PCDHA1: variants seen among roughly 807,000 people sequenced by gnomAD.
PCDHA1 encodes protocadherin alpha-1.
Under a neutral mutation model 61.3 loss-of-function variants are expected in PCDHA1, and 42 were observed. The observed-to-expected ratio is 0.69, with a 90% CI of 0.54 to 0.89. The LOEUF is 0.89. PCDHA1 is among the 40% of genes least tolerant of loss of function. PCDHA1 has a pLI of 0.00. For synonymous variants in PCDHA1, 610 were observed against 553.8 expected (o/e 1.10, Z -1.43); for missense variants, 1,256 against 1,235.3 (o/e 1.02, Z -0.25).
intron 1 of PCDHA1, among the ~76,000 whole-genome samples, chr5:140,945,397 A>G (rs2093784345): frequency 6.6e-6 from 1 of 152,132 alleles, no homozygotes; most frequent in Admixed American, 6.5e-5. Context: ...TACAAATTCA[A>G]TACAATTCGT....
intron 1 of PCDHA1, among the ~76,000 whole-genome samples, chr5:140,949,698 T>G (rs188313112): frequency 6.6e-6 from 1 of 151,984 alleles, no homozygotes; most frequent in African/African-American, 2.4e-5. Flanking sequence ...TTGTTGGATC[T>G]TGCTGTTTTA....
At chr5:140,792,512 G>A (rs528086753) in intron 1 of PCDHA1, among the ~76,000 whole-genome samples, 7 of 152,236 alleles carry the variant, frequency 4.6e-5, no homozygotes, top group African/African-American at 9.6e-5. Flanking sequence ...TCTTTTCCCC[G>A]TTGTGGGGGA....
rs2153691387 is a variant in PCDHA1, at chr5:140,951,014, G to C, written c.2395-27935G>C. Among the ~76,000 whole-genome samples the C allele has an allele frequency of 1.3e-5, 2 of 151,872 alleles. 1 individual carries two copies. Among genetic ancestry groups the C allele is most frequent in the Middle Eastern group, 6.8e-3 (2 of 294 alleles). On this transcript the variant is annotated intron_variant, in intron 1 of 3. Coordinates refer to ENST00000504120, the MANE Select transcript of PCDHA1 (RefSeq NM_018900.4). The stretch of plus-strand genomic sequence containing the variant: ...TTAGCTCCATTTTTCCCAAGATCAG[G>C]CAGTGAGTTTTAATTTCAAATATTA...
At chr5:140,857,283 T>C in intron 1 of PCDHA1, 1 of 1,598,740 alleles carries the variant, frequency 6.3e-7, no homozygotes, top group Non-Finnish European at 8.6e-7. Context: ...GACAGCGCTC[T>C]GGACCGCGAG....
At chr5:140,879,303 G>A (rs2057936117) in intron 1 of PCDHA1, among the ~76,000 whole-genome samples, 1 of 152,184 alleles carries the variant, frequency 6.6e-6, no homozygotes. Flanking sequence ...AAAAACAAAA[G>A]TAGAAGTTGA....
intron 1 of PCDHA1, among the ~76,000 whole-genome samples, chr5:140,887,546 T>C (rs1554183101): frequency 1.3e-5 from 2 of 152,114 alleles, no homozygotes; most frequent in Non-Finnish European, 2.9e-5. Flanking sequence ...CCACCCCTCA[T>C]GGTTACTGTT....
chr5:140,834,156 TA>T, intron 1 of PCDHA1: 1 of 537,442 alleles, frequency 1.9e-6, no homozygotes, highest in East Asian at 3.0e-5. Flanking sequence ...TAATGGTTTG[TA>T]ATTCTTACTT....
At chr5:140,805,245 C>A in intron 1 of PCDHA1, 2 of 1,315,870 alleles carry the variant, frequency 1.5e-6, no homozygotes, top group African/African-American at 3.0e-5. Context: ...CCCATCTGTA[C>A]ATTAAAATAC....
chr5:140,952,658 C>T (rs2094779074), intron 1 of PCDHA1, among the ~76,000 whole-genome samples: 1 of 152,196 alleles, frequency 6.6e-6, no homozygotes. Flanking sequence ...TACCCAGTTC[C>T]AAAGTCACTT....
intron 1 of PCDHA1, chr5:140,857,310 A>G (rs781828328): frequency 6.3e-7 from 1 of 1,598,492 alleles, no homozygotes; most frequent in Non-Finnish European, 8.6e-7. Context: ...TCGGCCTATG[A>G]GCTGGTGGTG....
In PCDHA1 at chr5:140,795,841, T is replaced by C. The variant is rs201828641; in HGVS notation, c.2394+7157T>C. ...TGTGTCCTCCACTATACAGACTAAG[T>C]TTACCATAGATCCCATCTCAGGGGA... On this transcript the variant is annotated intron_variant, in intron 1 of 3. Coordinates refer to ENST00000504120, the MANE Select transcript of PCDHA1 (RefSeq NM_018900.4). The C allele has an allele frequency of 5.1e-5, 83 of 1,613,740 alleles. 1 individual carries two copies. Among genetic ancestry groups the C allele is most frequent in the Non-Finnish European group, 3.1e-5 (36 of 1,179,978 alleles).
chr5:140,797,160 CG>C, intron 1 of PCDHA1: 2 of 1,613,978 alleles, frequency 1.2e-6, no homozygotes, highest in Non-Finnish European at 1.7e-6. Context: ...AGGGTGCGCG[CG>C]CGCCAGGAAA....
chr5:140,809,267 G>A (rs1764412049), intron 1 of PCDHA1: 2 of 1,613,996 alleles, frequency 1.2e-6, no homozygotes, highest in Non-Finnish European at 8.5e-7. Flanking sequence ...TGCTGCGCTG[G>A]TGGATGTCAA....
intron 1 of PCDHA1, chr5:140,796,892 C>T (rs782684742): frequency 1.8e-5 from 29 of 1,613,982 alleles, no homozygotes; most frequent in Non-Finnish European, 2.5e-5. Context: ...GCTGACTCCC[C>T]TCGACACCGC....
intron 1 of PCDHA1, among the ~76,000 whole-genome samples, chr5:140,974,883 C>T (rs1188748856): frequency 1.3e-5 from 2 of 152,154 alleles, no homozygotes; most frequent in Non-Finnish European, 2.9e-5. Context: ...CTATGTATCC[C>T]TTTTCTGATG....
intron 1 of PCDHA1, among the ~76,000 whole-genome samples, chr5:140,837,527 T>C (rs925860882): frequency 1.3e-5 from 2 of 151,856 alleles, no homozygotes; most frequent in African/African-American, 2.4e-5. Flanking sequence ...TTTTTTTGTA[T>C]ATTCCCAAGA....
intron 1 of PCDHA1, among the ~76,000 whole-genome samples, chr5:140,819,759 C>T (rs1766617178): frequency 6.6e-6 from 1 of 152,080 alleles, no homozygotes; most frequent in East Asian, 1.9e-4. Context: ...AGTCTTGTTT[C>T]CTCCTGAAAT....
intron 1 of PCDHA1, chr5:140,804,878 A>T: frequency 4.3e-5 from 24 of 558,476 alleles, no homozygotes; most frequent in East Asian, 6.8e-5. Context: ...ATTTTTCTTG[A>T]CTCCTCTCCT....
intron 1 of PCDHA1, among the ~76,000 whole-genome samples, chr5:140,943,885 T>C (rs762067236): frequency 6.6e-5 from 10 of 152,242 alleles, no homozygotes; most frequent in Non-Finnish European, 1.2e-4. Flanking sequence ...TTCATTGGAC[T>C]GGTCATTATG....
Sources: allele counts gnomAD v4.1 joint callset (sites outside exome capture counted in the v4.1 genomes callset), GRCh38; gene constraint gnomAD v4.1.1; transcripts MANE v1.5; gene names NCBI Gene and HGNC (gene_info 2026-07-23, HGNC 2026-07-21).